ADAMTSL1: variants seen among roughly 807,000 people sequenced by gnomAD.
ADAMTSL1 encodes the protein ADAMTS-like protein 1.
A neutral mutation model predicts 201.8 loss-of-function variants in ADAMTSL1; 126 were observed. The ratio of observed to expected loss-of-function variants is 0.62; its 90% CI spans 0.54 to 0.72. ADAMTSL1 has a LOEUF of 0.72. ADAMTSL1 is among the 30% of genes least tolerant of loss of function. The probability of loss-of-function intolerance (pLI) is 0.00; values close to 1 mark genes in which losing one functional copy is unlikely to be tolerated. For synonymous variants in ADAMTSL1, 1,121 were observed against 903.4 expected, an observed-to-expected ratio of 1.24 and a Z score of -4.32; for missense variants, 2,679 against 2,277.8, an observed-to-expected ratio of 1.18 and a Z score of -3.59.
intron 1 of ADAMTSL1, among the ~76,000 whole-genome samples, chr9:17,966,418 C>A (rs1048682091): frequency 6.6e-6 from 1 of 152,132 alleles, no homozygotes; most frequent in African/African-American, 2.4e-5. Context: ...GACTTTGCTA[C>A]GCACTCAGAA....
chr9:17,997,532 G>A (rs1819432543), intron 1 of ADAMTSL1, among the ~76,000 whole-genome samples: 1 of 151,998 alleles, frequency 6.6e-6, no homozygotes, highest in South Asian at 2.1e-4. Flanking sequence ...TTAATTCTAA[G>A]TTCGTGGCTC....
chr9:18,708,694 T>C (rs988996052), intron 14 of ADAMTSL1, among the ~76,000 whole-genome samples: 1 of 152,188 alleles, frequency 6.6e-6, no homozygotes, highest in African/African-American at 2.4e-5. Context: ...ATCACCTGAA[T>C]TGAATGATCA....
At chr9:18,740,944 A>C (rs977376810) in intron 15 of ADAMTSL1, among the ~76,000 whole-genome samples, 2 of 152,116 alleles carry the variant, frequency 1.3e-5, no homozygotes, top group Admixed American at 1.3e-4. Context: ...GATATCACCA[A>C]TTTTAGGAAG....
At chr9:18,119,792 C>T (rs1293589828) in intron 1 of ADAMTSL1, among the ~76,000 whole-genome samples, 1 of 151,988 alleles carries the variant, frequency 6.6e-6, no homozygotes, top group Non-Finnish European at 1.5e-5. Flanking sequence ...TCACTCTCAC[C>T]CTTTGCCAAA....
At chr9:18,296,904 C>T (rs949215136) in intron 2 of ADAMTSL1, among the ~76,000 whole-genome samples, 3 of 152,152 alleles carry the variant, frequency 2.0e-5, no homozygotes, top group African/African-American at 7.2e-5. Flanking sequence ...CTTTGTATCT[C>T]AGAGGCTTAA....
intron 1 of ADAMTSL1, among the ~76,000 whole-genome samples, chr9:18,063,732 A>G (rs1295718329): frequency 1.3e-5 from 2 of 152,084 alleles, no homozygotes; most frequent in Non-Finnish European, 2.9e-5. Flanking sequence ...GTTCATTTAA[A>G]CCAATAATTG....
At chr9:18,572,782 C>A (rs2132351042) in intron 3 of ADAMTSL1, among the ~76,000 whole-genome samples, 1 of 152,150 alleles carries the variant, frequency 6.6e-6, no homozygotes, top group African/African-American at 2.4e-5. Context: ...GAGAAAGAAA[C>A]CTTATATAAG....
chr9:18,893,156 G>T (rs931564270), intron 26 of ADAMTSL1, among the ~76,000 whole-genome samples: 1 of 151,964 alleles, frequency 6.6e-6, no homozygotes, highest in African/African-American at 2.4e-5. Context: ...AAACAGGCAT[G>T]AGCTCCCTTT....
chr9:18,712,236 A>G (rs1355905980), intron 14 of ADAMTSL1, among the ~76,000 whole-genome samples: 1 of 152,286 alleles, frequency 6.6e-6, no homozygotes, highest in South Asian at 2.1e-4. Context: ...CAACGGAACA[A>G]AGCTGGACGG....
At chr9:17,942,049 C>G (rs1171087302) in intron 1 of ADAMTSL1, among the ~76,000 whole-genome samples, 1 of 152,118 alleles carries the variant, frequency 6.6e-6, no homozygotes, top group African/African-American at 2.4e-5. Context: ...CATTATATAG[C>G]TGCTGCCATA....
chr9:18,568,419 C>T (rs1477448653), intron 3 of ADAMTSL1, among the ~76,000 whole-genome samples: 3 of 152,154 alleles, frequency 2.0e-5, no homozygotes, highest in Non-Finnish European at 4.4e-5. Flanking sequence ...TATTATAGAG[C>T]AGCCTTTTAT....
At chr9:18,478,308 T>C (rs369202403) in intron 1 of ADAMTSL1, among the ~76,000 whole-genome samples, 1 of 152,140 alleles carries the variant, frequency 6.6e-6, no homozygotes, top group South Asian at 2.1e-4. Context: ...TGAGACATGG[T>C]CTGGTGTTTT....
intron 1 of ADAMTSL1, among the ~76,000 whole-genome samples, chr9:17,945,629 T>C (rs1381833673): frequency 4.6e-5 from 7 of 152,148 alleles, no homozygotes; most frequent in Admixed American, 1.3e-4. Flanking sequence ...TGGAATACTA[T>C]GCAGCCATGA....
intron 2 of ADAMTSL1, among the ~76,000 whole-genome samples, chr9:18,385,456 C>T (rs1383591894): frequency 6.6e-6 from 1 of 152,134 alleles, no homozygotes. Context: ...CTTACTTTCA[C>T]CTTGCTCCTT....
At chr9:18,614,377 T>C (rs982631739) in intron 4 of ADAMTSL1, among the ~76,000 whole-genome samples, 7 of 152,168 alleles carry the variant, frequency 4.6e-5, no homozygotes, top group African/African-American at 1.7e-4. Context: ...CAGCCTAGAC[T>C]TCAACTCTGG....
chr9:18,717,345 G>A lies in ADAMTSL1; in HGVS notation c.1877-4191G>A, dbSNP rs1833014419. Among the ~76,000 whole-genome samples, 4 of 151,380 alleles carry A rather than the reference G, an allele frequency of 2.6e-5. No individual in the cohort carries two copies. In the Middle Eastern group the frequency reaches 0.014, roughly 518 times the overall value. On this transcript the variant is annotated intron_variant, in intron 14 of 28. Coordinates refer to ENST00000380548, the MANE Select transcript of ADAMTSL1 (RefSeq NM_001040272.6). ...ATTTCCTTCCCAACAGATATTAAAG[G>A]CAATCTGTTGAAGACATTATACTGA...
chr9:17,937,636 T>TCACTGAGGTACCTC (rs372965640), intron 1 of ADAMTSL1, among the ~76,000 whole-genome samples: 2 of 151,260 alleles, frequency 1.3e-5, no homozygotes, highest in Admixed American at 1.3e-4. Context: ...ATCTTGTTGA[T>TCACTGAGGTACCTC]TTAAATTCCT....
At chr9:18,540,706 C>T (rs1820077763) in intron 3 of ADAMTSL1, among the ~76,000 whole-genome samples, 1 of 152,148 alleles carries the variant, frequency 6.6e-6, no homozygotes. Context: ...GTGACTCTAT[C>T]TACCCCTTCT....
At chr9:18,859,222 C>G (rs558002392) in intron 23 of ADAMTSL1, among the ~76,000 whole-genome samples, 2 of 152,280 alleles carry the variant, frequency 1.3e-5, no homozygotes, top group South Asian at 4.1e-4. Flanking sequence ...CAAGATGTTT[C>G]CTTCTGGAGG....
Sources: allele counts gnomAD v4.1 joint callset (sites outside exome capture counted in the v4.1 genomes callset), GRCh38; gene constraint gnomAD v4.1.1; transcripts MANE v1.5; gene names NCBI Gene and HGNC (gene_info 2026-07-23, HGNC 2026-07-21).